Variants in MSH4 observed in about 807,000 individuals in gnomAD.
MSH4 encodes mutS homolog 4.
MSH4 carries 106 observed loss-of-function variants against 113.7 expected under a neutral mutation model. That is an observed-to-expected ratio of 0.93 (90% CI 0.80 to 1.10). The LOEUF (loss-of-function observed/expected upper bound fraction) is 1.10. Among genes scored for constraint, MSH4 ranks in the 50% least tolerant of loss-of-function variants. The pLI, the probability that MSH4 is intolerant of heterozygous loss-of-function variation, is 0.00. For synonymous variants in MSH4, 368 were observed against 380.2 expected (o/e 0.97, Z 0.37); for missense variants, 1,061 against 1,093.7 (o/e 0.97, Z 0.42).
At chr1:75,888,939 G>T (rs1652190053) in intron 15 of MSH4, among the ~76,000 whole-genome samples, 1 of 145,732 alleles carries the variant, frequency 6.9e-6, no homozygotes. Flanking sequence ...CTGTCGCCCA[G>T]GCTGGAATGC....
chr1:75,800,608 A>G (rs1417742019), intron 1 of MSH4, among the ~76,000 whole-genome samples: 1 of 147,466 alleles, frequency 6.8e-6, no homozygotes, highest in Non-Finnish European at 1.5e-5. Context: ...AAAGAATTCT[A>G]GCACTCAGTC....
chr1:75,912,032 A>T (rs1449382995), intron 19 of MSH4, among the ~76,000 whole-genome samples: 2 of 152,108 alleles, frequency 1.3e-5, no homozygotes, highest in Non-Finnish European at 2.9e-5. Flanking sequence ...CCTGTTTTAC[A>T]TATTATTTCT....
chr1:75,806,691 A>T (rs1192822987), intron 2 of MSH4, among the ~76,000 whole-genome samples: 1 of 152,148 alleles, frequency 6.6e-6, no homozygotes, highest in East Asian at 1.9e-4. Context: ...ACCCTCCACA[A>T]GCCACCTTAC....
chr1:75,858,989 T>G (rs192922287), intron 8 of MSH4, among the ~76,000 whole-genome samples: 1 of 152,348 alleles, frequency 6.6e-6, no homozygotes, highest in Non-Finnish European at 1.5e-5. Flanking sequence ...TGGTTTAGTC[T>G]TAGAAAGGTG....
chr1:75,906,543 A>AAT (rs1652656524), intron 19 of MSH4, among the ~76,000 whole-genome samples: 1 of 65,342 alleles, frequency 1.5e-5, no homozygotes, highest in African/African-American at 6.4e-5. Context: ...TAATATATAT[A>AAT]ATATATAATA....
intron 8 of MSH4, among the ~76,000 whole-genome samples, chr1:75,852,710 G>A (rs1570967784): frequency 1.3e-5 from 2 of 151,994 alleles, no homozygotes; most frequent in African/African-American, 4.8e-5. Context: ...TTTAAATTGG[G>A]TTGTTTGTAT....
chr1:75,908,565 C>T (rs553202291), intron 19 of MSH4, among the ~76,000 whole-genome samples: 6 of 152,288 alleles, frequency 3.9e-5, no homozygotes, highest in African/African-American at 1.2e-4. Context: ...TTAGAGCTCA[C>T]GTATCACCAT....
chr1:75,864,742 G>A (rs1301894956), intron 8 of MSH4, among the ~76,000 whole-genome samples: 1 of 151,784 alleles, frequency 6.6e-6, no homozygotes, highest in African/African-American at 2.4e-5. Flanking sequence ...CCCTTTTTTG[G>A]TTATGTGTGT....
At chr1:75,816,892 G>T (rs777478162) in intron 6 of MSH4, among the ~76,000 whole-genome samples, 3 of 152,090 alleles carry the variant, frequency 2.0e-5, no homozygotes, top group Non-Finnish European at 2.9e-5. Flanking sequence ...CTCCCAAAGT[G>T]CTGGGATTAC....
chr1:75,878,946 T>G (rs534930114), intron 11 of MSH4, 46 bp from the exon 12 acceptor site: 3 of 1,533,586 alleles, frequency 2.0e-6, no homozygotes, highest in Admixed American at 1.8e-5. Context: ...TCATTAAAAT[T>G]TATTCATTTT....
At chr1:75,892,626 T>C (rs1652281022) in intron 17 of MSH4, among the ~76,000 whole-genome samples, 1 of 152,120 alleles carries the variant, frequency 6.6e-6, no homozygotes, top group Non-Finnish European at 1.5e-5. Flanking sequence ...AATTGGCTGG[T>C]TGCTCCTAGT....
intron 8 of MSH4, among the ~76,000 whole-genome samples, chr1:75,857,427 C>T (rs1272459812): frequency 6.6e-6 from 1 of 152,146 alleles, no homozygotes; most frequent in Non-Finnish European, 1.5e-5. Flanking sequence ...TTAGGTCTAA[C>T]ATTTAAGTAT....
intron 8 of MSH4, among the ~76,000 whole-genome samples, chr1:75,860,306 T>C (rs1651427046): frequency 6.6e-6 from 1 of 152,204 alleles, no homozygotes; most frequent in African/African-American, 2.4e-5. Flanking sequence ...CCTGTCATCA[T>C]GATGCTAGCT....
intron 8 of MSH4, among the ~76,000 whole-genome samples, chr1:75,858,437 T>A (rs942260034): frequency 1.8e-4 from 27 of 152,184 alleles, no homozygotes; most frequent in Non-Finnish European, 4.4e-5. Flanking sequence ...TGAGATACAT[T>A]CCATTGATAC....
At chr1:75,903,992 G>C (rs1055781482) in intron 19 of MSH4, among the ~76,000 whole-genome samples, 2 of 152,102 alleles carry the variant, frequency 1.3e-5, no homozygotes, top group African/African-American at 4.8e-5. Context: ...GTATTATTTA[G>C]TTGTGGGTTT....
In MSH4 at chr1:75,815,095, C is replaced by A. The variant is rs755131261; in HGVS notation, c.774C>A (p.Cys258Ter). Residue 258 changes from cysteine to a stop codon, truncating the protein, a stop_gained, in exon 5 of 20, where the codon TGC (cysteine) becomes TGA (stop). Transcript: ENST00000263187. LOFTEE classifies it high-confidence loss of function. ...GATTAGAGTACATTGAACAGTTATG[C>A]ATAGCAGAATTCAGCACTGTCCTAA... ...TKGLEYIEQLCIAEFSTVLME... is the reference protein window; with the variant it reads ...TKGLEYIEQL The A allele has an allele frequency of 7.5e-6, 12 of 1,605,122 alleles. No individual in the cohort carries two copies. The highest frequency in any genetic ancestry group is 3.4e-6 in the Non-Finnish European group (4 of 1,176,018).
chr1:75,830,441 G>A (rs1320580170), intron 7 of MSH4, among the ~76,000 whole-genome samples: 1 of 152,040 alleles, frequency 6.6e-6, no homozygotes, highest in African/African-American at 2.4e-5. Flanking sequence ...TACAGAGAAC[G>A]CCGCAAAGAT....
At chr1:75,900,735 CT>C (rs1337554937) in intron 19 of MSH4, among the ~76,000 whole-genome samples, 1 of 152,150 alleles carries the variant, frequency 6.6e-6, no homozygotes, top group Admixed American at 6.6e-5. Flanking sequence ...TAATTCCTCT[CT>C]CCTTTAAGTT....
rs77537129 is a variant in MSH4, at chr1:75,897,886, A to T, written c.2356-21A>T. On this transcript the variant is annotated intron_variant, in intron 17 of 19. Transcript: ENST00000263187. ...GTTAATTTTTAAAGTACTAATATTC[A>T]TTGTCTGTTATATATTCCAGGCATT... 2.9e-6 allele frequency: 4 copies of T among 1,388,778 alleles called. No homozygotes were observed. In the African/African-American group the frequency reaches 4.4e-5, roughly 15 times the overall value. 86.0% of individuals were successfully genotyped at this position (1,388,778 alleles called of 1,614,324 possible). A position where few individuals can be genotyped will look rare whatever the true frequency, so the allele number is the denominator to read the frequency against.
Sources: gnomAD v4.1 joint callset for allele counts (sites outside exome capture counted in the v4.1 genomes callset) on GRCh38, gnomAD v4.1.1 for gene constraint, MANE v1.5 for transcripts, NCBI Gene and HGNC (gene_info 2026-07-23, HGNC 2026-07-21) for gene names.